The following XYLT1 variants were observed in gnomAD, a reference collection of about 807,000 sequenced individuals.
XYLT1 encodes xylosyltransferase 1, also known as beta-D-xylosyltransferase 1.
Under a neutral mutation model 91.3 loss-of-function variants are expected in XYLT1, and 36 were observed. The observed-to-expected ratio is 0.39, with a 90% CI of 0.30 to 0.52. The LOEUF (loss-of-function observed/expected upper bound fraction) is 0.52. Ranked by LOEUF, XYLT1 falls within the 20% of genes least tolerant of loss-of-function variation. The pLI is 0.68. For synonymous variants in XYLT1, 588 were observed against 532.0 expected (o/e 1.11, Z -1.45); for missense variants, 1,242 against 1,284.5 (o/e 0.97, Z 0.51).
intron 1 of XYLT1, among the ~76,000 whole-genome samples, chr16:17,468,320 C>T (rs750833009): frequency 6.6e-6 from 1 of 151,602 alleles, no homozygotes; most frequent in Non-Finnish European, 1.5e-5. Context: ...CAAGAGACAA[C>T]AGTCAACAGC....
At chr16:17,173,765 G>C (rs367892346) in intron 5 of XYLT1, among the ~76,000 whole-genome samples, 82 of 152,340 alleles carry the variant, frequency 5.4e-4, no homozygotes, top group African/African-American at 1.9e-3. Context: ...TTCGGCAAAA[G>C]GTGAAATAGG....
At chr16:17,200,686 A>G (rs2032525226) in intron 3 of XYLT1, 32 bp from the exon 4 acceptor site, 1 of 1,599,384 alleles carries the variant, frequency 6.3e-7, no homozygotes, top group Non-Finnish European at 8.6e-7. Flanking sequence ...AGAGAGGAGA[A>G]AGTGAGGCTC....
rs747204331 is a variant in XYLT1, at chr16:17,292,105, C to CAT, written c.403-32609_403-32608dup. 7.1e-3 allele frequency among the ~76,000 whole-genome samples: 975 copies of CAT among 137,598 alleles called. 19 individuals are homozygous for CAT. Among genetic ancestry groups the CAT allele is most frequent in the African/African-American group, 0.024 (919 of 37,612 alleles). The allele number at this position is 137,598 out of a possible 152,430, so 90.3% of individuals were successfully genotyped here. ...ATACACACACACACACACACACACA[C>CAT]ATATACACATATATATCTGTGTGTG... On this transcript the variant is annotated intron_variant, in intron 2 of 11. Transcript: ENST00000261381.
chr16:17,432,864 T>C (rs1305073701), intron 1 of XYLT1, among the ~76,000 whole-genome samples: 1 of 152,056 alleles, frequency 6.6e-6, no homozygotes, highest in East Asian at 1.9e-4. Context: ...GGCACATCAA[T>C]TGTCTTGTCA....
At chr16:17,262,818 G>C (rs2033743358) in intron 2 of XYLT1, among the ~76,000 whole-genome samples, 1 of 152,122 alleles carries the variant, frequency 6.6e-6, no homozygotes, top group Admixed American at 6.5e-5. Context: ...TTGAGTCACT[G>C]AGATTTGGGG....
chr16:17,168,435 T>G (rs2031748896), intron 5 of XYLT1, among the ~76,000 whole-genome samples: 1 of 151,992 alleles, frequency 6.6e-6, no homozygotes, highest in Admixed American at 6.5e-5. Context: ...TGGGGACTAC[T>G]AGAGAGGGAA....
At chr16:17,202,564 C>A (rs756833262) in intron 3 of XYLT1, among the ~76,000 whole-genome samples, 48 of 152,150 alleles carry the variant, frequency 3.2e-4, no homozygotes, top group Non-Finnish European at 5.9e-4. Flanking sequence ...ATCTGGAACG[C>A]CCTCTCCCCA....
chr16:17,113,261 C>G (rs1027282435), intron 11 of XYLT1, among the ~76,000 whole-genome samples: 5 of 152,118 alleles, frequency 3.3e-5, no homozygotes, highest in African/African-American at 1.2e-4. Context: ...CATGCCTCAG[C>G]CTCCTGAGTA....
chr16:17,314,396 A>AT (rs540993679), intron 2 of XYLT1, among the ~76,000 whole-genome samples: 66 of 152,134 alleles, frequency 4.3e-4, no homozygotes, highest in African/African-American at 1.5e-3. Context: ...CGAGTCAGTC[A>AT]TTTTTTTAGA....
At chr16:17,435,594 G>A (rs2036446541) in intron 1 of XYLT1, among the ~76,000 whole-genome samples, 1 of 151,970 alleles carries the variant, frequency 6.6e-6, no homozygotes, top group African/African-American at 2.4e-5. Flanking sequence ...AGCTTGTGAA[G>A]GTAAATGCTT....
chr16:17,420,344 G>A (rs1051216721), intron 1 of XYLT1, among the ~76,000 whole-genome samples: 1 of 152,132 alleles, frequency 6.6e-6, no homozygotes. Flanking sequence ...AACGTGCTAC[G>A]CTAATTATTA....
At chr16:17,159,702 ATGAAGTC>A (rs1184584722) in intron 5 of XYLT1, among the ~76,000 whole-genome samples, 1 of 152,266 alleles carries the variant, frequency 6.6e-6, no homozygotes, top group Non-Finnish European at 1.5e-5. Context: ...TTTAAAAAAT[ATGAAGTC>A]CAATACAAAC....
rs1260642517 is a variant in XYLT1 at position 17,470,539 on chromosome 16, T to TCCG, written c.255_257dup (p.Gly90dup). On this transcript the variant is annotated inframe_insertion, in exon 1 of 12. Transcript: ENST00000261381. Reference sequence around the variant, plus strand: ...CCTGGGGCCCCCGTCCTCCTCCTCCTCCGCCGCCGCCTCCTCCTCCTCCTC... The same window carrying TCCG: ...CCTGGGGCCCCCGTCCTCCTCCTCCTCCGCCGCCGCCGCCTCCTCCTCCTCCTC... 2.5e-6 allele frequency: 3 copies of TCCG among 1,220,186 alleles called. No homozygotes were observed. The highest frequency in any genetic ancestry group is 3.3e-5 in the East Asian group (1 of 30,696). The allele number at this position is 1,220,186 out of a possible 1,614,324, so 75.6% of individuals were successfully genotyped here.
At chr16:17,156,358 G>C (rs77896754) in intron 6 of XYLT1, among the ~76,000 whole-genome samples, 1 of 152,154 alleles carries the variant, frequency 6.6e-6, no homozygotes, top group East Asian at 1.9e-4. Flanking sequence ...CTCCTTTCTC[G>C]AGACACAACT....
At chr16:17,226,720 T>C (rs570524754) in intron 3 of XYLT1, among the ~76,000 whole-genome samples, 1 of 150,512 alleles carries the variant, frequency 6.6e-6, no homozygotes, top group South Asian at 2.1e-4. Context: ...GAGGCAGAGA[T>C]TGCAGTGAGC....
chr16:17,342,337 G>A (rs565907394), intron 2 of XYLT1, among the ~76,000 whole-genome samples: 1 of 152,200 alleles, frequency 6.6e-6, no homozygotes, highest in East Asian at 1.9e-4. Context: ...AAGGAAAAGG[G>A]CAACCTATCT....
chr16:17,126,360 G>A (rs1471661995), intron 10 of XYLT1, among the ~76,000 whole-genome samples: 1 of 152,162 alleles, frequency 6.6e-6, no homozygotes. Context: ...GGCTGCTCAG[G>A]CCCCTAGCAC....
At chr16:17,119,796 C>T (rs2029983120) in intron 10 of XYLT1, among the ~76,000 whole-genome samples, 1 of 152,198 alleles carries the variant, frequency 6.6e-6, no homozygotes, top group African/African-American at 2.4e-5. Flanking sequence ...TAAAGTCCAG[C>T]CCCAGAGGCT....
At chr16:17,120,962 C>T (rs998298880) in intron 10 of XYLT1, among the ~76,000 whole-genome samples, 1 of 152,170 alleles carries the variant, frequency 6.6e-6, no homozygotes, top group African/African-American at 2.4e-5. Context: ...AACCATTAAT[C>T]ATCTATCCAT....
Sources: allele counts gnomAD v4.1 joint callset (sites outside exome capture counted in the v4.1 genomes callset), GRCh38; gene constraint gnomAD v4.1.1; transcripts MANE v1.5; gene names NCBI Gene and HGNC (gene_info 2026-07-23, HGNC 2026-07-21).